Variants in MUCL1 observed in about 807,000 individuals in gnomAD.
MUCL1 encodes the protein mucin like 1.
In MUCL1, 11 loss-of-function variants were observed where a neutral mutation model predicts 9.2. The ratio of observed to expected loss-of-function variants is 1.19; its 90% CI spans 0.75 to 1.97. The LOEUF is 1.97. MUCL1 is among the 30% of genes most tolerant of loss of function. MUCL1 has a pLI of 0.00. For synonymous variants in MUCL1, 48 were observed against 40.5 expected (o/e 1.19, Z -0.71); for missense variants, 144 against 110.9 (o/e 1.30, Z -1.34).
upstream of MUCL1, among the ~76,000 whole-genome samples, chr12:54,853,427 C>A (rs926573201): frequency 4.4e-4 from 67 of 152,162 alleles, no homozygotes; most frequent in Admixed American, 3.4e-3. Context: ...GTGCTGGGCC[C>A]TACTCAACAA....
chr12:54,843,214 T>C (rs1959221000), intron 1 of MUCL1, among the ~76,000 whole-genome samples: 1 of 152,236 alleles, frequency 6.6e-6, no homozygotes. Context: ...GTATCTATTG[T>C]TGTCCCAGGA....
chr12:54,843,080 T>C (rs1959220302), intron 1 of MUCL1, among the ~76,000 whole-genome samples: 1 of 152,200 alleles, frequency 6.6e-6, no homozygotes, highest in South Asian at 2.1e-4. Flanking sequence ...TGTACTAGGT[T>C]ATAACATCTA....
chr12:54,854,381 C>CTT (rs1565778808), upstream of MUCL1: 3 of 548,666 alleles, frequency 5.5e-6, no homozygotes, highest in African/African-American at 5.7e-5. Flanking sequence ...TTCCAAAGGG[C>CTT]CCCTGGCTGT....
intron 3 of MUCL1, 128 bp from the exon 4 acceptor site, chr12:54,858,065 A>G (rs767045892): frequency 5.3e-6 from 6 of 1,130,198 alleles, no homozygotes; most frequent in Non-Finnish European, 7.9e-6. Context: ...TAACAATCCC[A>G]TGTTCCTTTC....
intron 1 of MUCL1, among the ~76,000 whole-genome samples, chr12:54,831,266 GA>G (rs1390018019): frequency 1.3e-5 from 2 of 152,110 alleles, no homozygotes; most frequent in African/African-American, 4.8e-5. Flanking sequence ...TATGCAAATT[GA>G]CTTAGAGATA....
chr12:54,849,277 G>A (rs1959302097), intron 1 of MUCL1, among the ~76,000 whole-genome samples: 3 of 152,030 alleles, frequency 2.0e-5, no homozygotes, highest in South Asian at 4.1e-4. Context: ...TGGTATTGAT[G>A]ATAGCAGTGT....
chr12:54,849,719 G>T (rs1382060425), upstream of MUCL1, among the ~76,000 whole-genome samples: 1 of 151,918 alleles, frequency 6.6e-6, no homozygotes, highest in Non-Finnish European at 1.5e-5. Flanking sequence ...ATATAATGCT[G>T]TTCATTTTAA....
intron 1 of MUCL1, among the ~76,000 whole-genome samples, chr12:54,848,136 C>G (rs779517941): frequency 4.0e-5 from 6 of 151,496 alleles, no homozygotes; most frequent in Non-Finnish European, 7.4e-5. Context: ...GATCCCAGGC[C>G]ACAGCTGCTG....
intron 3 of MUCL1, among the ~76,000 whole-genome samples, chr12:54,857,784 A>C (rs1001862841): frequency 6.6e-6 from 1 of 152,182 alleles, no homozygotes; most frequent in Admixed American, 6.5e-5. Context: ...AAAGTCCCTA[A>C]GAAATTTTCT....
At chr12:54,838,083 A>G (rs950518318), upstream of MUCL1, among the ~76,000 whole-genome samples, 4 of 152,164 alleles carry the variant, frequency 2.6e-5, no homozygotes, top group African/African-American at 9.6e-5. Flanking sequence ...CTTTTGTTTC[A>G]GGATTGGGAA....
At chr12:54,853,056 A>G (rs1868267180), upstream of MUCL1, among the ~76,000 whole-genome samples, 1 of 151,928 alleles carries the variant, frequency 6.6e-6, no homozygotes, top group African/African-American at 2.4e-5. Flanking sequence ...CCTGATGGGG[A>G]CCTCTTAGCA....
intron 1 of MUCL1, among the ~76,000 whole-genome samples, chr12:54,842,164 C>G (rs1565775510): frequency 6.6e-6 from 1 of 151,948 alleles, no homozygotes. Flanking sequence ...TATTTTATCC[C>G]TCCATTTATT....
chr12:54,836,881 T>C (rs1959193666), upstream of MUCL1, among the ~76,000 whole-genome samples: 1 of 152,222 alleles, frequency 6.6e-6, no homozygotes, highest in African/African-American at 2.4e-5. Flanking sequence ...TCCATGTATT[T>C]GTATAGTTTT....
upstream of MUCL1, among the ~76,000 whole-genome samples, chr12:54,853,318 T>G (rs751945828): frequency 1.2e-4 from 19 of 152,196 alleles, no homozygotes; most frequent in Non-Finnish European, 2.6e-4. Context: ...AGCACTTGAT[T>G]GTGCTGTAAA....
chr12:54,856,943 C>A lies in MUCL1; in HGVS notation c.223+51C>A, dbSNP rs369923533. ...CTTCCTTTATGTGGCTCCTTGATTC[C>A]TTGGGTTCTCTATTCTCACAGAGAC... On this transcript the variant is annotated intron_variant, in intron 3 of 3. Coordinates refer to ENST00000308796, the MANE Select transcript of MUCL1 (RefSeq NM_058173.3). 5.8e-5 allele frequency: 94 copies of A among 1,610,626 alleles called. No individual in the cohort carries two copies. The African/African-American group carries it at 1.1e-3, about 20-fold the overall frequency.
In MUCL1 at chr12:54,839,517, A is replaced by T. The variant is rs994886828; in HGVS notation, c.43+70A>T. 1.6e-5 allele frequency: 11 copies of T among 700,530 alleles called. No homozygotes were observed. In the African/African-American group the frequency reaches 1.6e-4, roughly 10 times the overall value. 43.4% of individuals were successfully genotyped at this position (700,530 alleles called of 1,614,324 possible). A position where few individuals can be genotyped will look rare whatever the true frequency, so the allele number is the denominator to read the frequency against. On this transcript the variant is annotated intron_variant, in intron 1 of 3. Transcript: ENST00000546809. Reference sequence around the variant, plus strand: ...GACAGAGGCAGCTGGGGGAGGTCTCAGTGAAATGCACTGAGGTCTTTTCAT... The same window carrying T: ...GACAGAGGCAGCTGGGGGAGGTCTCTGTGAAATGCACTGAGGTCTTTTCAT...
intron 1 of MUCL1, among the ~76,000 whole-genome samples, chr12:54,846,852 T>C (rs991259244): frequency 6.6e-6 from 1 of 152,224 alleles, no homozygotes; most frequent in African/African-American, 2.4e-5. Flanking sequence ...GCTTTAGGTG[T>C]ATGCTGTTTT....
chr12:54,845,893 C>G (rs896259092), intron 1 of MUCL1, among the ~76,000 whole-genome samples: 89 of 152,156 alleles, frequency 5.8e-4, no homozygotes, highest in African/African-American at 2.1e-3. Context: ...TATTTTTGAT[C>G]CAGTGAGTTT....
chr12:54,851,322 A>G (rs1017034381), upstream of MUCL1, among the ~76,000 whole-genome samples: 3 of 152,084 alleles, frequency 2.0e-5, no homozygotes, highest in African/African-American at 7.2e-5. Flanking sequence ...AAATCATCTT[A>G]AATTAATCTC....
Sources: allele counts gnomAD v4.1 joint callset (sites outside exome capture counted in the v4.1 genomes callset), GRCh38; gene constraint gnomAD v4.1.1; transcripts MANE v1.5; gene names NCBI Gene and HGNC (gene_info 2026-07-23, HGNC 2026-07-21).